The following PPP1R14C variants were observed in gnomAD, a reference collection of about 807,000 sequenced individuals.
PPP1R14C encodes protein phosphatase 1 regulatory subunit 14C.
PPP1R14C carries 16 observed loss-of-function variants against 20.4 expected under a neutral mutation model. That is an observed-to-expected ratio of 0.78 (90% CI 0.53 to 1.19). The LOEUF (loss-of-function observed/expected upper bound fraction) is 1.19. Ranked by LOEUF, PPP1R14C falls within the 50% of genes most tolerant of loss-of-function variation. The pLI, the probability that PPP1R14C is intolerant of heterozygous loss-of-function variation, is 0.00. For missense variants in PPP1R14C, 211 were observed against 220.1 expected (o/e 0.96, Z 0.26); for synonymous variants, 91 against 91.0 (o/e 1.00, Z 0.00).
At chr6:150,158,480 A>C (rs918939286) in intron 1 of PPP1R14C, among the ~76,000 whole-genome samples, 1 of 152,190 alleles carries the variant, frequency 6.6e-6, no homozygotes, top group Non-Finnish European at 1.5e-5. Flanking sequence ...CTGCAATGGG[A>C]GCTCTATCAC....
chr6:150,189,331 C>G (rs888628620), intron 1 of PPP1R14C, among the ~76,000 whole-genome samples: 1 of 152,180 alleles, frequency 6.6e-6, no homozygotes, highest in South Asian at 2.1e-4. Flanking sequence ...CTCTCCACCC[C>G]TCACACCCCA....
intron 3 of PPP1R14C, among the ~76,000 whole-genome samples, chr6:150,236,451 T>C (rs942679166): frequency 6.6e-6 from 1 of 151,986 alleles, no homozygotes; most frequent in South Asian, 2.1e-4. Context: ...AGGACTGAGA[T>C]GAGAGGTAGG....
chr6:150,231,717 A>T (rs1458444596), intron 3 of PPP1R14C, among the ~76,000 whole-genome samples: 1 of 152,224 alleles, frequency 6.6e-6, no homozygotes, highest in Non-Finnish European at 1.5e-5. Context: ...TATGCATTGT[A>T]ACTGTGTGAA....
chr6:150,190,858 C>T (rs530675541), intron 1 of PPP1R14C, among the ~76,000 whole-genome samples: 1 of 152,312 alleles, frequency 6.6e-6, no homozygotes, highest in South Asian at 2.1e-4. Flanking sequence ...GCAGCCCCTA[C>T]CTGCCCTCCC....
intron 3 of PPP1R14C, among the ~76,000 whole-genome samples, chr6:150,221,737 A>G (rs965233540): frequency 2.0e-5 from 3 of 152,220 alleles, no homozygotes; most frequent in African/African-American, 4.8e-5. Context: ...AATGGAGGTA[A>G]TAATAACCAT....
At chr6:150,150,398 G>A (rs374088324) in intron 1 of PPP1R14C, among the ~76,000 whole-genome samples, 2 of 151,878 alleles carry the variant, frequency 1.3e-5, no homozygotes, top group South Asian at 2.1e-4. Context: ...TGCTCCTAAC[G>A]TGCCCCTGCT....
At chr6:150,197,916 C>T (rs1372836495) in intron 1 of PPP1R14C, among the ~76,000 whole-genome samples, 4 of 111,758 alleles carry the variant, frequency 3.6e-5, no homozygotes, top group Non-Finnish European at 5.4e-5. Flanking sequence ...CCCCTGCCTG[C>T]CACGGTGGAG....
chr6:150,239,747 GA>G (rs1778409271), intron 3 of PPP1R14C, among the ~76,000 whole-genome samples: 1 of 152,072 alleles, frequency 6.6e-6, no homozygotes, highest in Non-Finnish European at 1.5e-5. Flanking sequence ...AGAAATCAGT[GA>G]AATAGAAAAC....
At chr6:150,162,979 A>G (rs1777386786) in intron 1 of PPP1R14C, among the ~76,000 whole-genome samples, 1 of 152,148 alleles carries the variant, frequency 6.6e-6, no homozygotes, top group South Asian at 2.1e-4. Flanking sequence ...CCCTGGGGGG[A>G]CATACTGGGC....
rs150082934 is a variant in PPP1R14C, at chr6:150,222,473, C to T, written c.423+5617C>T. Among the ~76,000 whole-genome samples the T allele has an allele frequency of 8.6e-3, 1,303 of 152,184 alleles. 21 individuals are homozygous for T. The highest frequency in any genetic ancestry group is 0.03 in the African/African-American group (1,229 of 41,506). ...ACACATCATTATCGCCCGAAGTCCACGGTTAACATTAGGATTCACTCTTGG... is the reference window on the plus strand; with the variant it reads ...ACACATCATTATCGCCCGAAGTCCATGGTTAACATTAGGATTCACTCTTGG... On this transcript the variant is annotated intron_variant, in intron 3 of 3. Coordinates refer to ENST00000361131, the MANE Select transcript of PPP1R14C (RefSeq NM_030949.3).
chr6:150,162,558 T>C (rs1777381908), intron 1 of PPP1R14C, among the ~76,000 whole-genome samples: 1 of 152,336 alleles, frequency 6.6e-6, no homozygotes, highest in African/African-American at 2.4e-5. Context: ...TAAGATGCCA[T>C]TGTACAAATG....
chr6:150,164,551 A>T (rs1282675758), intron 1 of PPP1R14C: 1 of 157,056 alleles, frequency 6.4e-6, no homozygotes, highest in Non-Finnish European at 1.4e-5. Context: ...ATTCATTTTT[A>T]TGTGTGGTAT....
intron 1 of PPP1R14C, among the ~76,000 whole-genome samples, chr6:150,157,220 C>T (rs1261800781): frequency 6.6e-6 from 1 of 152,178 alleles, no homozygotes. Context: ...ATGAAATTCT[C>T]ATGTCAGCTG....
chr6:150,217,038 C>T (rs915583389), intron 3 of PPP1R14C, among the ~76,000 whole-genome samples, 182 bp downstream of exon 3: 2 of 152,168 alleles, frequency 1.3e-5, no homozygotes, highest in Non-Finnish European at 1.5e-5. Flanking sequence ...CTAAACATGT[C>T]TAGTTCAGAG....
At chr6:150,175,575 A>C (rs1287064973) in intron 1 of PPP1R14C, among the ~76,000 whole-genome samples, 5 of 152,186 alleles carry the variant, frequency 3.3e-5, no homozygotes, top group African/African-American at 1.2e-4. Flanking sequence ...ACTCTTGAGC[A>C]TGGGGCTGGT....
intron 1 of PPP1R14C, among the ~76,000 whole-genome samples, chr6:150,156,419 C>T (rs539473772): frequency 3.9e-5 from 6 of 152,270 alleles, no homozygotes; most frequent in Non-Finnish European, 7.4e-5. Context: ...TAGCTACTGC[C>T]GCCAATCATC....
At chr6:150,229,760 A>C (rs1469722711) in intron 3 of PPP1R14C, among the ~76,000 whole-genome samples, 1 of 152,230 alleles carries the variant, frequency 6.6e-6, no homozygotes, top group African/African-American at 2.4e-5. Context: ...AACAGCAGCC[A>C]CAAACCCTTA....
At chr6:150,239,807 C>T (rs1778409958) in intron 3 of PPP1R14C, among the ~76,000 whole-genome samples, 1 of 152,206 alleles carries the variant, frequency 6.6e-6, no homozygotes, top group Admixed American at 6.5e-5. Flanking sequence ...AATCCCAGCA[C>T]TTTGGGAGGC....
chr6:150,204,432 T>C (rs1777917623), intron 1 of PPP1R14C, among the ~76,000 whole-genome samples: 1 of 152,232 alleles, frequency 6.6e-6, no homozygotes, highest in Non-Finnish European at 1.5e-5. Context: ...ATCGGTAATG[T>C]GATAAGTCTT....
Sources: gnomAD v4.1 joint callset for allele counts (sites outside exome capture counted in the v4.1 genomes callset) on GRCh38, gnomAD v4.1.1 for gene constraint, MANE v1.5 for transcripts, NCBI Gene and HGNC (gene_info 2026-07-23, HGNC 2026-07-21) for gene names.